Variants in RAD51B observed in about 807,000 individuals in gnomAD.
RAD51B encodes DNA repair protein RAD51 homolog 2.
Under a neutral mutation model 42.2 loss-of-function variants are expected in RAD51B, and 38 were observed. The ratio of observed to expected loss-of-function variants is 0.90; its 90% confidence interval spans 0.70 to 1.18. The LOEUF (loss-of-function observed/expected upper bound fraction) is 1.18, where lower values mean the gene tolerates loss of function less well. Ranked by LOEUF, RAD51B falls within the 50% of genes most tolerant of loss-of-function variation. The pLI, the probability that RAD51B is intolerant of heterozygous loss-of-function variation, is 0.00. For synonymous variants in RAD51B, 154 were observed against 145.2 expected, an observed-to-expected ratio of 1.06 and a Z score of -0.43; for missense variants, 373 against 400.7, an observed-to-expected ratio of 0.93 and a Z score of 0.59.
chr14:68,439,901 A>G, intron 9 of RAD51B, among the ~76,000 whole-genome samples: 1 of 152,194 alleles, frequency 6.6e-6, no homozygotes, highest in East Asian at 1.9e-4. Flanking sequence ...TCCCCTGTTG[A>G]AAGCATGGCA....
rs76022882 is a variant in RAD51B at position 68,420,938 on chromosome 14, T to C, written c.957+9411T>C. Among the ~76,000 whole-genome samples the C allele has an allele frequency of 1.9e-3, 294 of 152,348 alleles. 2 individuals are homozygous for C. The highest frequency in any genetic ancestry group is 6.9e-3 in the African/African-American group (287 of 41,576). ...GGTGCTAGAAAAGGAGGCCTTGACTTGGTGATGATTCTGCTGGGTTGCAAT... is the reference window on the plus strand; with the variant it reads ...GGTGCTAGAAAAGGAGGCCTTGACTCGGTGATGATTCTGCTGGGTTGCAAT... On this transcript the variant is annotated intron_variant, in intron 9 of 10. Coordinates refer to ENST00000471583, the MANE Select transcript of RAD51B (RefSeq NM_133510.4).
At chr14:68,665,038 A>T (rs1893004657) in intron 11 of RAD51B, among the ~76,000 whole-genome samples, 1 of 152,196 alleles carries the variant, frequency 6.6e-6, no homozygotes, top group South Asian at 2.1e-4. Context: ...AAGGGTAAGC[A>T]TCTTCCTGCC....
intron 10 of RAD51B, among the ~76,000 whole-genome samples, chr14:68,632,244 A>T (rs1892244855): frequency 6.6e-6 from 1 of 151,910 alleles, no homozygotes; most frequent in South Asian, 2.1e-4. Flanking sequence ...GAGGTTCTTT[A>T]CTGATACTTT....
intron 7 of RAD51B, among the ~76,000 whole-genome samples, chr14:67,977,856 A>G (rs1595195181): frequency 6.6e-6 from 1 of 152,212 alleles, no homozygotes; most frequent in Non-Finnish European, 1.5e-5. Context: ...ATAAAGCTCC[A>G]GTTCTTTCGG....
chr14:68,466,401 T>G (rs770257105), intron 9 of RAD51B, among the ~76,000 whole-genome samples: 1 of 152,234 alleles, frequency 6.6e-6, no homozygotes, highest in African/African-American at 2.4e-5. Flanking sequence ...AAACTGAGAC[T>G]TAACAAGTTT....
intron 7 of RAD51B, among the ~76,000 whole-genome samples, chr14:68,018,366 C>T (rs1194002452): frequency 6.6e-6 from 1 of 152,158 alleles, no homozygotes; most frequent in South Asian, 2.1e-4. Flanking sequence ...TAATCTGTAG[C>T]GTACCTTGTA....
intron 7 of RAD51B, among the ~76,000 whole-genome samples, chr14:68,121,521 G>A (rs1254236569): frequency 1.3e-5 from 2 of 152,020 alleles, no homozygotes; most frequent in African/African-American, 2.4e-5. Context: ...ACCTAAAAAC[G>A]AAAAAGTCAA....
chr14:68,034,407 G>A (rs1595292965), intron 7 of RAD51B, among the ~76,000 whole-genome samples: 3 of 151,980 alleles, frequency 2.0e-5, no homozygotes, highest in Non-Finnish European at 4.4e-5. Flanking sequence ...GAGTAGCTGG[G>A]ACTACAGGTG....
chr14:68,337,958 T>C (rs2139825065), intron 8 of RAD51B, among the ~76,000 whole-genome samples: 1 of 151,888 alleles, frequency 6.6e-6, no homozygotes, highest in East Asian at 1.9e-4. Flanking sequence ...TTTTGTGTTT[T>C]GTTTTGTTTT....
chr14:67,850,722 G>A (rs906176636), intron 4 of RAD51B, among the ~76,000 whole-genome samples: 2 of 152,164 alleles, frequency 1.3e-5, no homozygotes, highest in Non-Finnish European at 2.9e-5. Context: ...TATGTCAAAT[G>A]TAGAAGTGTA....
chr14:68,343,994 A>G (rs1310053708), intron 8 of RAD51B, among the ~76,000 whole-genome samples: 3 of 152,260 alleles, frequency 2.0e-5, no homozygotes, highest in African/African-American at 7.2e-5. Flanking sequence ...CAGAGGATGT[A>G]TTGGAAATCC....
intron 9 of RAD51B, chr14:68,421,962 A>T (rs879729108): frequency 1.4e-5 from 21 of 1,550,576 alleles, no homozygotes; most frequent in Non-Finnish European, 1.8e-5. Flanking sequence ...CTCCGTGTAG[A>T]TGGACTTGCC....
At chr14:68,165,048 C>T (rs2078720806) in intron 7 of RAD51B, among the ~76,000 whole-genome samples, 1 of 152,162 alleles carries the variant, frequency 6.6e-6, no homozygotes, top group African/African-American at 2.4e-5. Context: ...GGTAGATTAA[C>T]TTGGTAAATA....
chr14:68,063,522 G>T (rs1213835642), intron 7 of RAD51B, among the ~76,000 whole-genome samples: 1 of 152,174 alleles, frequency 6.6e-6, no homozygotes, highest in Non-Finnish European at 1.5e-5. Flanking sequence ...GAAATCATGA[G>T]GTCAAGAGAT....
At chr14:67,920,042 A>G (rs1045343077) in intron 7 of RAD51B, among the ~76,000 whole-genome samples, 3 of 152,182 alleles carry the variant, frequency 2.0e-5, no homozygotes, top group African/African-American at 7.2e-5. Context: ...ATCCATCTAT[A>G]TATTGATAAG....
intron 7 of RAD51B, among the ~76,000 whole-genome samples, chr14:68,188,465 T>C (rs1377239076): frequency 1.3e-5 from 2 of 152,120 alleles, no homozygotes; most frequent in Non-Finnish European, 2.9e-5. Flanking sequence ...GAAAGAGTTT[T>C]TTGGAATGAT....
intron 7 of RAD51B, among the ~76,000 whole-genome samples, chr14:67,904,117 G>A (rs549955076): frequency 6.6e-6 from 1 of 151,950 alleles, no homozygotes; most frequent in African/African-American, 2.4e-5. Context: ...AGTATTTCAT[G>A]GTATATATGT....
intron 1 of RAD51B, among the ~76,000 whole-genome samples, chr14:67,822,954 T>A (rs2040683296): frequency 6.6e-6 from 1 of 152,178 alleles, no homozygotes; most frequent in Admixed American, 6.5e-5. Context: ...ATGGACTAGC[T>A]AACTTTTCCA....
chr14:68,512,335 C>G (rs1414766852), intron 10 of RAD51B, among the ~76,000 whole-genome samples: 1 of 152,218 alleles, frequency 6.6e-6, no homozygotes, highest in African/African-American at 2.4e-5. Flanking sequence ...GTCTCTCCGT[C>G]TGTTTCTCAT....
Sources: gnomAD v4.1 joint callset for allele counts (sites outside exome capture counted in the v4.1 genomes callset) on GRCh38, gnomAD v4.1.1 for gene constraint, MANE v1.5 for transcripts, NCBI Gene and HGNC (gene_info 2026-07-23, HGNC 2026-07-21) for gene names.